The following STAT3 variants were observed in gnomAD, a reference collection of about 807,000 sequenced individuals.
STAT3 encodes the protein DNA-binding protein APRF.
A neutral mutation model predicts 114.3 loss-of-function variants in STAT3; 7 were observed. The ratio of observed to expected loss-of-function variants is 0.06; its 90% CI spans 0.03 to 0.11. STAT3 has a LOEUF of 0.11. Ranked by LOEUF, STAT3 falls within the 10% of genes least tolerant of loss-of-function variation. STAT3 has a pLI of 1.00. For missense variants in STAT3, 364 were observed against 960.9 expected (o/e 0.38, Z 8.21); for synonymous variants, 331 against 354.5 (o/e 0.93, Z 0.74).
rs2081147401 is a variant in STAT3 at position 42,313,462 on chromosome 17, T to C, written c.*2283A>G. 1 of 222,824 alleles carries C rather than the reference T, an allele frequency of 4.5e-6. No homozygotes were observed. Among genetic ancestry groups the C allele is most frequent in the Non-Finnish European group, 8.9e-6 (1 of 112,230 alleles). 13.8% of individuals were successfully genotyped at this position (222,824 alleles called of 1,614,324 possible). ...TATGAAGTACACATTGGAATTTGAA[T>C]GCAGTGGCCAGGACAGCAGCTTATA... On this transcript the variant is annotated 3_prime_UTR_variant, in exon 24 of 24. Transcript: ENST00000264657.
Position 42,369,751 on chromosome 17 carries a change from T to C in STAT3, c.-24+18528A>G, listed in dbSNP as rs144309841. On this transcript the variant is annotated intron_variant, in intron 1 of 23. Coordinates refer to ENST00000264657, the MANE Select transcript of STAT3 (RefSeq NM_139276.3). ...CTATAACCTCGAACTATCAAACTCC[T>C]GGGCCTAAGTGATCCTCCCACCTCA... 4.1e-3 allele frequency among the ~76,000 whole-genome samples: 625 copies of C among 152,184 alleles called. 4 individuals carry two copies. Among genetic ancestry groups the C allele is most frequent in the African/African-American group, 0.014 (601 of 41,510 alleles).
Position 42,345,644 on chromosome 17 carries a change from T to G in STAT3, c.287A>C (p.Glu96Ala). 1 of 1,604,040 alleles carries G rather than the reference T, an allele frequency of 6.2e-7. No individual in the cohort carries two copies. Among genetic ancestry groups the G allele is most frequent in the East Asian group, 2.2e-5 (1 of 44,520 alleles). The change falls in exon 4 of 24, where the codon GAG (glutamate) becomes GCG (alanine). Residue 96 changes from glutamate (E) to alanine (A), a missense_variant. Physicochemically the swap from Glu to Ala is moderately radical, Grantham distance 107. This residue lies in a region of STAT3 where 294 missense variants were observed against 745.1 expected (regional missense o/e 0.39). Coordinates refer to ENST00000264657, the MANE Select transcript of STAT3 (RefSeq NM_139276.3). ...IKQFLQSRYL[E>A]KPMEIARIVA... Reference sequence around the variant, plus strand: ...AATCCGGGCAATCTCCATTGGCTTCTCAAGATACCTGCTCTATAAGTAGGA... The same window carrying G: ...AATCCGGGCAATCTCCATTGGCTTCGCAAGATACCTGCTCTATAAGTAGGA...
chr17:42,327,841 T>C (rs968730388), intron 14 of STAT3, among the ~76,000 whole-genome samples: 4 of 150,842 alleles, frequency 2.7e-5, no homozygotes, highest in Non-Finnish European at 5.9e-5. Context: ...AGGTCAGGAG[T>C]TCAAGACCAG....
intron 14 of STAT3, among the ~76,000 whole-genome samples, chr17:42,327,960 C>T (rs1211863464): frequency 2.6e-5 from 4 of 151,436 alleles, no homozygotes; most frequent in South Asian, 2.1e-4. Flanking sequence ...ACAGGAGAAT[C>T]GCTTGAACCT....
intron 1 of STAT3, among the ~76,000 whole-genome samples, chr17:42,379,190 C>T (rs982474182): frequency 6.6e-6 from 1 of 152,136 alleles, no homozygotes; most frequent in Non-Finnish European, 1.5e-5. Flanking sequence ...GAAGCCAAGC[C>T]GTTTATTTCC....
intron 1 of STAT3, among the ~76,000 whole-genome samples, chr17:42,371,510 T>TAAA (rs768004002): frequency 8.5e-5 from 11 of 129,908 alleles, no homozygotes; most frequent in African/African-American, 3.2e-4. Context: ...CGTCTCTAAT[T>TAAA]AAAAAAAAAA....
chr17:42,377,474 A>G (rs2084531264), intron 1 of STAT3, among the ~76,000 whole-genome samples: 1 of 152,214 alleles, frequency 6.6e-6, no homozygotes, highest in African/African-American at 2.4e-5. Flanking sequence ...AAAGCAAAAT[A>G]CAGAGTTTGG....
chr17:42,343,879 T>C (rs1231523804), intron 4 of STAT3, among the ~76,000 whole-genome samples: 1 of 152,204 alleles, frequency 6.6e-6, no homozygotes, highest in Non-Finnish European at 1.5e-5. Context: ...CCAATTGTTA[T>C]TGTTAGTTTT....
intron 1 of STAT3, among the ~76,000 whole-genome samples, chr17:42,369,697 C>A (rs2084000828): frequency 6.6e-6 from 1 of 152,140 alleles, no homozygotes; most frequent in South Asian, 2.1e-4. Context: ...GTGGCCCAGG[C>A]TGGAGTGCAG....
At chr17:42,356,035 T>C (rs889574619) in intron 1 of STAT3, among the ~76,000 whole-genome samples, 1 of 152,172 alleles carries the variant, frequency 6.6e-6, no homozygotes, top group Admixed American at 6.6e-5. Flanking sequence ...TATAAATACA[T>C]GCATTTTAAA....
At chr17:42,363,770 G>A (rs577495476) in intron 1 of STAT3, among the ~76,000 whole-genome samples, 15 of 152,110 alleles carry the variant, frequency 9.9e-5, no homozygotes, top group African/African-American at 3.4e-4. Context: ...ACTTTCATAA[G>A]TGTTGTCTTC....
Position 42,322,508 on chromosome 17 carries a change from T to A in STAT3, c.1889-14A>T, listed in dbSNP as rs767569146. The A allele has an allele frequency of 6.2e-7, 1 of 1,614,048 alleles. No individual in the cohort carries two copies. ...TCTGGGTCTTACCTGTCACAGGACA[T>A]GGGAAGGAAAGATCATGGAACCTAC... On this transcript the variant is annotated splice_polypyrimidine_tract_variant and intron_variant, in intron 20 of 23. Coordinates refer to ENST00000264657, the MANE Select transcript of STAT3 (RefSeq NM_139276.3).
rs1173682056 is a variant in STAT3 at position 42,317,223 on chromosome 17, G to A, written c.2103C>T (p.Ser701=). ...SQEHPEADPG[S]AAPYLKTKFI... ...ACTTGGTCTTCAGGTATGGGGCAGC[G>A]CCTGGGAAGAAGAAAACCAGTTTTC... The change falls in exon 22 of 24, where the codon AGC becomes AGT. Residue 701 remains serine, a splice_region_variant and synonymous_variant. Transcript: ENST00000264657. The A allele has an allele frequency of 2.3e-5, 37 of 1,613,622 alleles. No individual in the cohort carries two copies. Among genetic ancestry groups the A allele is most frequent in the East Asian group, 4.5e-5 (2 of 44,894 alleles).
At chr17:42,353,225 G>C (rs1053888321) in intron 1 of STAT3, among the ~76,000 whole-genome samples, 9 of 151,984 alleles carry the variant, frequency 5.9e-5, no homozygotes, top group Admixed American at 1.3e-4. Context: ...GCACATGCCT[G>C]TAGTCCCAGC....
At chr17:42,378,225 G>A (rs1482275973) in intron 1 of STAT3, among the ~76,000 whole-genome samples, 3 of 150,768 alleles carry the variant, frequency 2.0e-5, no homozygotes, top group Admixed American at 6.7e-5. Context: ...ATGTATAAGC[G>A]TTACCACCCT....
intron 1 of STAT3, among the ~76,000 whole-genome samples, chr17:42,382,961 T>C (rs2084887559): frequency 6.6e-6 from 1 of 151,838 alleles, no homozygotes; most frequent in African/African-American, 2.4e-5. Context: ...GTTGCAGTAA[T>C]CCTAACATGA....
At chr17:42,381,731 CA>C (rs398038044) in intron 1 of STAT3, among the ~76,000 whole-genome samples, 217 of 57,730 alleles carry the variant, frequency 3.8e-3, no homozygotes, top group Middle Eastern at 0.023. Flanking sequence ...GACTCCATCT[CA>C]AAAAAAAAAA....
chr17:42,345,738 T>C (rs1468975020), intron 3 of STAT3, 81 bp from the exon 4 acceptor site: 3 of 1,245,952 alleles, frequency 2.4e-6, no homozygotes, highest in East Asian at 5.1e-5. Flanking sequence ...TTAAAACTAA[T>C]GTATTCATCA....
intron 14 of STAT3, among the ~76,000 whole-genome samples, chr17:42,328,606 C>T (rs2081849389): frequency 6.6e-6 from 1 of 152,124 alleles, no homozygotes; most frequent in Non-Finnish European, 1.5e-5. Context: ...CGGGCTTTCA[C>T]CATGTTGGCC....
Sources: gnomAD v4.1 joint callset for allele counts (sites outside exome capture counted in the v4.1 genomes callset) on GRCh38, gnomAD v4.1.1 for gene constraint, gnomAD v4.1.1 regional missense constraint, MANE v1.5 for transcripts, NCBI Gene and HGNC (gene_info 2026-07-23, HGNC 2026-07-21) for gene names.